The following RBM44 variants were observed in gnomAD, a reference collection of about 807,000 sequenced individuals.
The protein encoded by RBM44 is RNA-binding protein 44.
RBM44 carries 66 observed loss-of-function variants against 105.1 expected under a neutral mutation model. That is an observed-to-expected ratio of 0.63 (90% CI 0.52 to 0.77). The LOEUF (loss-of-function observed/expected upper bound fraction) is 0.77, where lower values mean the gene tolerates loss of function less well. Among genes scored for constraint, RBM44 ranks in the 30% least tolerant of loss-of-function variants. The pLI, the probability that RBM44 is intolerant of heterozygous loss-of-function variation, is 0.00. For missense variants in RBM44, 1,122 were observed against 1,207.8 expected, an observed-to-expected ratio of 0.93 and a Z score of 1.05; for synonymous variants, 365 against 417.6, an observed-to-expected ratio of 0.87 and a Z score of 1.54.
In RBM44 at chr2:237,829,318, T is replaced by G; in HGVS notation, c.2702T>G (p.Val901Gly). 1 of 1,613,510 alleles carries G rather than the reference T, an allele frequency of 6.2e-7. No individual in the cohort carries two copies. The highest frequency in any genetic ancestry group is 8.5e-7 in the Non-Finnish European group (1 of 1,179,554). Reference sequence around the variant, plus strand: ...GGAAAGTCAGTAAATGTGTGGCCTGTTAAAATTCTTGGAGAATATACATCA... The same window carrying G: ...GGAAAGTCAGTAAATGTGTGGCCTGGTAAAATTCTTGGAGAATATACATCA... ...INGKSVNVWPVKILGEYTSPL... is the reference protein window; with the variant it reads ...INGKSVNVWPGKILGEYTSPL... Residue 901 changes from valine to glycine, a missense_variant, in exon 13 of 16, where the codon GTT becomes GGT. Coordinates refer to ENST00000316997, the MANE Select transcript of RBM44 (RefSeq NM_001080504.3).
rs192812863 is a variant in RBM44 at position 237,803,557 on chromosome 2, A to G, written c.-19+4696A>G. ...CCTTTTGGATATATGGATTGTGAAT[A>G]CTTTATTCCAGTCTTTGGCTTGTGT... On this transcript the variant is annotated intron_variant, in intron 1 of 15. Coordinates refer to ENST00000316997, the MANE Select transcript of RBM44 (RefSeq NM_001080504.3). The surrounding 1 kb of genome is among the most constrained non-coding windows in gnomAD (Gnocchi z 4.2). Among the ~76,000 whole-genome samples the G allele has an allele frequency of 1.5e-3, 230 of 152,322 alleles. No homozygotes were observed. The highest frequency in any genetic ancestry group is 6.8e-3 in the Middle Eastern group (2 of 294).
chr2:237,819,488 C>T (rs1241015130), intron 4 of RBM44, among the ~76,000 whole-genome samples: 4 of 152,008 alleles, frequency 2.6e-5, no homozygotes, highest in Non-Finnish European at 5.9e-5. Flanking sequence ...TTTACTTTTT[C>T]CTTCACTTAT....
chr2:237,823,584 G>A lies in RBM44; in HGVS notation c.2320+30G>A, dbSNP rs1199005190. 4.0e-6 allele frequency: 4 copies of A among 1,000,924 alleles called. No homozygotes were observed. In the Admixed American group the frequency reaches 9.0e-5, roughly 23 times the overall value. The allele number at this position is 1,000,924 out of a possible 1,614,324, so 62.0% of individuals were successfully genotyped here. A position where few individuals can be genotyped will look rare whatever the true frequency, so the allele number is the denominator to read the frequency against. ...GTATAAAAATGTGTTATCTTGTATA[G>A]TTGCTGGAAAACAAAATAAGGTTTA... On this transcript the variant is annotated intron_variant, in intron 9 of 15. Transcript: ENST00000316997.
Position 237,823,487 on chromosome 2 carries a change from C to T in RBM44, c.2253C>T (p.Pro751=). Residue 751 remains proline (P), a synonymous_variant, in exon 9 of 16, where the codon CCC becomes CCT. Transcript: ENST00000316997. ...GTCATGCTACACAAAACATATCACC[C>T]AAGAAAGATGACTTTAAAAATGGTG... ...DNSHATQNIS[P]KKDDFKNGDI... 6.5e-7 allele frequency: 1 copy of T among 1,542,090 alleles called. No individual in the cohort carries two copies. Among genetic ancestry groups the T allele is most frequent in the Non-Finnish European group, 8.8e-7 (1 of 1,136,896 alleles).
intron 15 of RBM44, among the ~76,000 whole-genome samples, chr2:237,835,258 A>G (rs184999046): frequency 3.4e-4 from 52 of 152,236 alleles, no homozygotes; most frequent in Admixed American, 1.8e-3. Context: ...GGTCTTCCCT[A>G]TTCCTTGAGA....
chr2:237,833,995 A>T lies in RBM44; in HGVS notation c.2887-2A>T. On this transcript the variant is annotated splice_acceptor_variant, in intron 13 of 15. Transcript: ENST00000316997. LOFTEE classifies it high-confidence loss of function. ...AAGAAAACTTTTTAAATGCTTATTT[A>T]GGGTGTCAAGAAGAATTGTAAGCAG... is the stretch of plus-strand genomic sequence containing the variant. The T allele has an allele frequency of 6.6e-7, 1 of 1,514,444 alleles. No homozygotes were observed. The highest frequency in any genetic ancestry group is 1.3e-5 in the South Asian group (1 of 74,412). 93.8% of individuals were successfully genotyped at this position (1,514,444 alleles called of 1,614,324 possible).
In RBM44 at chr2:237,821,217, C is replaced by A; in HGVS notation, c.2060C>A (p.Ser687Ter). The A allele has an allele frequency of 1.2e-6, 2 of 1,607,632 alleles. No individual in the cohort carries two copies. Among genetic ancestry groups the A allele is most frequent in the East Asian group, 2.2e-5 (1 of 44,660 alleles). Residue 687 changes from serine to a stop codon, truncating the protein, a stop_gained, in exon 6 of 16, where the codon TCA becomes TAA. Transcript: ENST00000316997. LOFTEE classifies it high-confidence loss of function. ...LEELPPLSLESKLLSTFSTFA... is the reference protein window; with the variant it reads ...LEELPPLSLE ...GAGCTGCCCCCACTGTCACTAGAAT[C>A]AAAATTATTATCTACCTTCTCTACT...
At chr2:237,814,269 G>A (rs1330668088) in intron 2 of RBM44, among the ~76,000 whole-genome samples, 1 of 152,094 alleles carries the variant, frequency 6.6e-6, no homozygotes, top group Non-Finnish European at 1.5e-5. Flanking sequence ...TAAAAATTTG[G>A]GGTGATAGTA....
Position 237,803,360 on chromosome 2 carries a change from C to T in RBM44, c.-19+4499C>T, listed in dbSNP as rs1209508126. 7.5e-6 allele frequency among the ~76,000 whole-genome samples: 1 copy of T among 132,954 alleles called. No individual in the cohort carries two copies. The highest frequency in any genetic ancestry group is 1.7e-5 in the Non-Finnish European group (1 of 59,532). The allele number at this position is 132,954 out of a possible 152,430, so 87.2% of individuals were successfully genotyped here. On this transcript the variant is annotated intron_variant, in intron 1 of 15. Coordinates refer to ENST00000316997, the MANE Select transcript of RBM44 (RefSeq NM_001080504.3). The surrounding 1 kb of genome is among the most constrained non-coding windows in gnomAD (Gnocchi z 4.2). Reference sequence around the variant, plus strand: ...ACACACACACATACTTTCTCTCTCACTCACACACACACACACAAATTTTAA... The same window carrying T: ...ACACACACACATACTTTCTCTCTCATTCACACACACACACACAAATTTTAA...
chr2:237,809,495 C>G (rs1281899814), intron 1 of RBM44, among the ~76,000 whole-genome samples: 1 of 152,116 alleles, frequency 6.6e-6, no homozygotes, highest in Non-Finnish European at 1.5e-5. Flanking sequence ...TTTCAATATT[C>G]CATGTCTGCA....
rs777527056 is a variant in RBM44 at position 237,827,285 on chromosome 2, G to T, written c.2485G>T (p.Gly829Cys). 8.8e-6 allele frequency: 14 copies of T among 1,594,770 alleles called. No homozygotes were observed. Among genetic ancestry groups the T allele is most frequent in the African/African-American group, 1.3e-5 (1 of 74,638 alleles). The change falls in exon 11 of 16, where the codon GGT becomes TGT. Residue 829 changes from glycine to cysteine, a missense_variant. Physicochemically the swap from Gly to Cys is radical, Grantham distance 159. Transcript: ENST00000316997. ...KNVEPSQRDK[G>C]YLIHVGGLCP... ...TGTTGAACCCTCACAAAGAGATAAA[G>T]GTTATTTGATACATGTTGGTGGCCT...
intron 1 of RBM44, among the ~76,000 whole-genome samples, chr2:237,802,286 C>T (rs2061552969): frequency 1.3e-5 from 2 of 152,334 alleles, no homozygotes; most frequent in South Asian, 4.1e-4. Context: ...AGCTCTGCTT[C>T]CTGTCAGATC....
At chr2:237,834,729 T>G (rs992409034) in intron 15 of RBM44, 1 of 166,738 alleles carries the variant, frequency 6.0e-6, no homozygotes, top group East Asian at 1.8e-4. Context: ...TGGCCTGGAC[T>G]GTAGTCATTC....
Position 237,837,013 on chromosome 2 carries a change from C to G in RBM44, c.*22+2590C>G, listed in dbSNP as rs573746376. On this transcript the variant is annotated intron_variant, in intron 15 of 15. Coordinates refer to ENST00000316997, the MANE Select transcript of RBM44 (RefSeq NM_001080504.3). Reference sequence around the variant, plus strand: ...CAGTAGCTGGGATTAGAGGCACATACCACCATGCCAGGATAATTTTGTTTG... The same window carrying G: ...CAGTAGCTGGGATTAGAGGCACATAGCACCATGCCAGGATAATTTTGTTTG... Among the ~76,000 whole-genome samples, 3 of 152,236 alleles carry G rather than the reference C, an allele frequency of 2.0e-5. No individual in the cohort carries two copies. The East Asian group carries it at 5.8e-4, about 29-fold the overall frequency.
rs981013853 is a variant in RBM44, at chr2:237,841,534, C to G, written c.*23-305C>G. Among the ~76,000 whole-genome samples the G allele has an allele frequency of 2.0e-5, 3 of 151,956 alleles. No individual in the cohort carries two copies. Among genetic ancestry groups the G allele is most frequent in the Non-Finnish European group, 4.4e-5 (3 of 67,980 alleles). ...CCTGCAACATGTAATTTATCTATAT[C>G]GATATAACGAACCTGCACATATGCC... On this transcript the variant is annotated intron_variant, in intron 15 of 15. Transcript: ENST00000316997. The surrounding 1 kb of genome is among the most constrained non-coding windows in gnomAD (Gnocchi z 4.5).
intron 5 of RBM44, chr2:237,820,775 A>G: frequency 3.5e-6 from 1 of 287,024 alleles, no homozygotes; most frequent in Non-Finnish European, 6.4e-6. Context: ...GGGTTGGGCA[A>G]GGTGGCTTGT....
chr2:237,802,025 G>T (rs2061551140), intron 1 of RBM44, among the ~76,000 whole-genome samples: 1 of 152,066 alleles, frequency 6.6e-6, no homozygotes, highest in Non-Finnish European at 1.5e-5. Context: ...CTAGCAGTTT[G>T]AAAAACTCCA....
chr2:237,822,195 G>A (rs892345877), intron 8 of RBM44, among the ~76,000 whole-genome samples: 10 of 152,022 alleles, frequency 6.6e-5, no homozygotes, highest in Admixed American at 3.9e-4. Context: ...CACTTTGTAC[G>A]TTCATCTCAT....
intron 9 of RBM44, among the ~76,000 whole-genome samples, chr2:237,824,081 T>C (rs959599483): frequency 1.3e-5 from 2 of 152,216 alleles, no homozygotes; most frequent in Non-Finnish European, 2.9e-5. Context: ...TCAGTCAGAC[T>C]GAAAGCAACT....
Sources: allele counts gnomAD v4.1 joint callset (sites outside exome capture counted in the v4.1 genomes callset), GRCh38; gene constraint gnomAD v4.1.1; non-coding constraint Gnocchi (gnomAD v3.1); transcripts MANE v1.5; gene names NCBI Gene and HGNC (gene_info 2026-07-23, HGNC 2026-07-21).